Variants in TCF3 observed in about 807,000 individuals in gnomAD.
TCF3 encodes transcription factor 3.
A neutral mutation model predicts 72.3 loss-of-function variants in TCF3; 54 were observed. The ratio of observed to expected loss-of-function variants is 0.75; its 90% CI spans 0.60 to 0.94. TCF3 has a LOEUF of 0.94. Ranked by LOEUF, TCF3 falls within the 40% of genes least tolerant of loss-of-function variation. The pLI is 0.00. For synonymous variants in TCF3, 525 were observed against 412.6 expected (o/e 1.27, Z -3.30); for missense variants, 1,078 against 934.4 (o/e 1.15, Z -2.00).
chr19:1,646,209 G>A, intron 3 of TCF3, 146 bp downstream of exon 3: 1 of 878,584 alleles, frequency 1.1e-6, no homozygotes, highest in Non-Finnish European at 1.7e-6. Context: ...GGGGTCTTCA[G>A]GCTCGCTGCC....
At chr19:1,616,204 C>T (rs2061532097) in intron 16 of TCF3, among the ~76,000 whole-genome samples, 2 of 152,136 alleles carry the variant, frequency 1.3e-5, no homozygotes, top group South Asian at 4.1e-4. Context: ...GTGGCTCACA[C>T]CAGCTCACAC....
chr19:1,622,788 G>A (rs2062408371), intron 8 of TCF3, among the ~76,000 whole-genome samples: 1 of 152,114 alleles, frequency 6.6e-6, no homozygotes, highest in Non-Finnish European at 1.5e-5. Context: ...TTGTTCCCCA[G>A]CTGGAATCAA....
intron 5 of TCF3, among the ~76,000 whole-genome samples, chr19:1,631,581 C>T (rs1455822416): frequency 1.3e-5 from 2 of 152,030 alleles, no homozygotes; most frequent in Non-Finnish European, 1.5e-5. Context: ...AGTCACGATT[C>T]TCTCGGTTAA....
chr19:1,630,244 A>C (rs1168650905), intron 5 of TCF3, among the ~76,000 whole-genome samples: 2 of 152,012 alleles, frequency 1.3e-5, no homozygotes, highest in East Asian at 3.9e-4. Context: ...TGCAGGGGCC[A>C]CCCCCGGCAG....
intron 3 of TCF3, among the ~76,000 whole-genome samples, chr19:1,633,652 A>G (rs1839933112): frequency 6.6e-6 from 1 of 152,158 alleles, no homozygotes; most frequent in African/African-American, 2.4e-5. Flanking sequence ...TTTGTTTTCT[A>G]ATCAAAAATT....
Position 1,615,524 on chromosome 19 carries a change from TGGGGAGGGCGC to T in TCF3, c.1587-15_1587-5del. 6.2e-7 allele frequency: 1 copy of T among 1,606,814 alleles called. No homozygotes were observed. Among genetic ancestry groups the T allele is most frequent in the Non-Finnish European group, 8.5e-7 (1 of 1,179,776 alleles). On this transcript the variant is annotated splice_region_variant and splice_polypyrimidine_tract_variant and intron_variant, in intron 17 of 18. Transcript: ENST00000262965. This position sits in a 1 kb window ranked among gnomAD's most constrained non-coding sequence, Gnocchi z 7.3. ...GTCGTCCTCGTCCTCGTCTGGGCTATGGGGAGGGCGCCGGGAGGGGGCCAGAGGGAGACAGT... is the reference window on the plus strand; with the variant it reads ...GTCGTCCTCGTCCTCGTCTGGGCTATCGGGAGGGGGCCAGAGGGAGACAGT...
chr19:1,639,572 A>G (rs2064944393), intron 3 of TCF3, among the ~76,000 whole-genome samples: 1 of 152,130 alleles, frequency 6.6e-6, no homozygotes, highest in Non-Finnish European at 1.5e-5. Context: ...AAGTACTCAC[A>G]AAGAAGGACA....
intron 18 of TCF3, among the ~76,000 whole-genome samples, chr19:1,612,936 C>G (rs1018772924): frequency 7.2e-6 from 1 of 138,284 alleles, no homozygotes; most frequent in African/African-American, 2.8e-5. Context: ...GGCAGCAGTG[C>G]GGGTACACAG....
chr19:1,651,823 C>G (rs1278624676), intron 1 of TCF3, among the ~76,000 whole-genome samples: 3 of 149,176 alleles, frequency 2.0e-5, no homozygotes, highest in Admixed American at 6.6e-5. Context: ...CGCCCGGCCC[C>G]GACCAGCGCC....
At chr19:1,644,484 C>G (rs2065786641) in intron 3 of TCF3, among the ~76,000 whole-genome samples, 2 of 152,196 alleles carry the variant, frequency 1.3e-5, no homozygotes, top group Non-Finnish European at 2.9e-5. Context: ...ATGCAACATA[C>G]TGGGCCTCAC....
intron 18 of TCF3, chr19:1,612,434 C>A: frequency 6.5e-7 from 1 of 1,535,218 alleles, no homozygotes; most frequent in Non-Finnish European, 8.8e-7. Context: ...GTCCGTACTG[C>A]TGGGTCACAG....
intron 3 of TCF3, among the ~76,000 whole-genome samples, chr19:1,641,275 T>C (rs1363441253): frequency 1.3e-5 from 2 of 151,706 alleles, no homozygotes; most frequent in Non-Finnish European, 2.9e-5. Context: ...TAAAAGCTAA[T>C]CTCAGAAGGT....
Position 1,625,187 on chromosome 19 carries a change from C to T in TCF3, c.499+389G>A, listed in dbSNP as rs895067288. 6.6e-5 allele frequency among the ~76,000 whole-genome samples: 10 copies of T among 152,334 alleles called. No homozygotes were observed. The East Asian group carries it at 1.2e-3, about 18-fold the overall frequency. ...ATGGGCCCCGGGTAGTTCAAGGCGC[C>T]GTCCAGTGCTCCTGAGCCCGAGGCT... On this transcript the variant is annotated intron_variant, in intron 7 of 18. Coordinates refer to ENST00000262965, the MANE Select transcript of TCF3 (RefSeq NM_003200.5).
At chr19:1,643,367 T>A (rs918932973) in intron 3 of TCF3, among the ~76,000 whole-genome samples, 1 of 152,104 alleles carries the variant, frequency 6.6e-6, no homozygotes, top group African/African-American at 2.4e-5. Context: ...ACCCCAAGTG[T>A]GCGCCACCAC....
intron 1 of TCF3, among the ~76,000 whole-genome samples, chr19:1,651,988 C>A (rs1407407162): frequency 2.7e-5 from 4 of 150,670 alleles, no homozygotes; most frequent in Non-Finnish European, 4.4e-5. Flanking sequence ...ACGGTCCTCG[C>A]GCCTAAGTTG....
chr19:1,651,544 C>A (rs1269738202), intron 1 of TCF3, among the ~76,000 whole-genome samples: 1 of 152,188 alleles, frequency 6.6e-6, no homozygotes, highest in African/African-American at 2.4e-5. Flanking sequence ...CTAAAACGGG[C>A]ATTCTACGGG....
chr19:1,632,011 A>C lies in TCF3; in HGVS notation c.298+27T>G, dbSNP rs1471402177. On this transcript the variant is annotated intron_variant, in intron 5 of 18. Transcript: ENST00000262965. ...ACGTCTGCACATCTGTGCACAGCAGAGGGACCGCACCAGGCCAGGCACTCA... is the reference window on the plus strand; with the variant it reads ...ACGTCTGCACATCTGTGCACAGCAGCGGGACCGCACCAGGCCAGGCACTCA... 1.9e-6 allele frequency: 3 copies of C among 1,608,982 alleles called. No homozygotes were observed. The African/African-American group carries it at 4.0e-5, about 22-fold the overall frequency.
At chr19:1,626,687 T>C (rs1053003164) in intron 6 of TCF3, among the ~76,000 whole-genome samples, 1 of 151,992 alleles carries the variant, frequency 6.6e-6, no homozygotes, top group Non-Finnish European at 1.5e-5. Context: ...AATGGGCACG[T>C]AGGCCGCGGC....
intron 2 of TCF3, 99 bp downstream of exon 2, chr19:1,650,078 C>T (rs1256875108): frequency 2.5e-6 from 3 of 1,199,840 alleles, no homozygotes; most frequent in Non-Finnish European, 2.3e-6. Context: ...AGCTGAGGCT[C>T]CATCGCTGAA....
Sources: gnomAD v4.1 joint callset for allele counts (sites outside exome capture counted in the v4.1 genomes callset) on GRCh38, gnomAD v4.1.1 for gene constraint, Gnocchi (gnomAD v3.1) non-coding constraint, MANE v1.5 for transcripts, NCBI Gene and HGNC (gene_info 2026-07-23, HGNC 2026-07-21) for gene names.